Variants in PDZRN3 observed in about 807,000 individuals in gnomAD.
The protein encoded by PDZRN3 is E3 ubiquitin-protein ligase PDZRN3.
Under a neutral mutation model 85.7 loss-of-function variants are expected in PDZRN3, and 38 were observed. That is an observed-to-expected ratio of 0.44 (90% CI 0.34 to 0.58). The LOEUF is 0.58. PDZRN3 is among the 20% of genes least tolerant of loss of function. The pLI, the probability that PDZRN3 is intolerant of heterozygous loss-of-function variation, is 0.01. For synonymous variants in PDZRN3, 759 were observed against 638.0 expected (o/e 1.19, Z -2.86); for missense variants, 1,629 against 1,506.4 (o/e 1.08, Z -1.35).
intron 3 of PDZRN3, among the ~76,000 whole-genome samples, chr3:73,582,246 G>A (rs1219587479): frequency 6.6e-6 from 1 of 152,210 alleles, no homozygotes; most frequent in African/African-American, 2.4e-5. Flanking sequence ...GAAGGCACAT[G>A]TAGATTTGTC....
intron 3 of PDZRN3, among the ~76,000 whole-genome samples, chr3:73,421,214 A>C (rs1328878236): frequency 1.3e-5 from 2 of 152,216 alleles, no homozygotes; most frequent in Admixed American, 1.3e-4. Flanking sequence ...ATACACTCAC[A>C]CACACATTAA....
chr3:73,472,419 T>A (rs1337484889), intron 3 of PDZRN3, among the ~76,000 whole-genome samples: 1 of 152,248 alleles, frequency 6.6e-6, no homozygotes, highest in Non-Finnish European at 1.5e-5. Flanking sequence ...TTTAATTGAC[T>A]AACCACGGTG....
At chr3:73,529,592 C>A (rs1181501947) in intron 3 of PDZRN3, among the ~76,000 whole-genome samples, 1 of 152,190 alleles carries the variant, frequency 6.6e-6, no homozygotes, top group Non-Finnish European at 1.5e-5. Context: ...ATCCGCAAAG[C>A]ACTTTGTTAA....
intron 1 of PDZRN3, among the ~76,000 whole-genome samples, chr3:73,611,409 T>C (rs1457889859): frequency 6.6e-6 from 1 of 152,236 alleles, no homozygotes; most frequent in Non-Finnish European, 1.5e-5. Flanking sequence ...TTGCAAAGAA[T>C]GTTTCTGAAC....
In PDZRN3 at chr3:73,569,238, G is replaced by C. The variant is rs78584400; in HGVS notation, c.918+33116C>G. ...AGGTCCTTCATAAATACTTCAGTCT[G>C]CAAAGATGAACAAGAGGAGCCCGAA... On this transcript the variant is annotated intron_variant, in intron 3 of 9. Transcript: ENST00000263666. 4,335 of 1,285,194 alleles carry C rather than the reference G, an allele frequency of 3.4e-3. 62 individuals carry two copies. In the African/African-American group the frequency reaches 0.046, roughly 14 times the overall value. 79.6% of individuals were successfully genotyped at this position (1,285,194 alleles called of 1,614,324 possible). A position where few individuals can be genotyped will look rare whatever the true frequency, so the allele number is the denominator to read the frequency against.
At chr3:73,430,497 C>T (rs1420426602) in intron 3 of PDZRN3, among the ~76,000 whole-genome samples, 2 of 152,192 alleles carry the variant, frequency 1.3e-5, no homozygotes, top group African/African-American at 2.4e-5. Flanking sequence ...GTAAATGATA[C>T]TGGCTGGGGT....
intron 1 of PDZRN3, among the ~76,000 whole-genome samples, chr3:73,613,524 G>A (rs760611140): frequency 6.6e-6 from 1 of 152,100 alleles, no homozygotes; most frequent in Non-Finnish European, 1.5e-5. Context: ...ACTACAGACT[G>A]CTCCAAGTTC....
At chr3:73,476,769 A>G (rs1703467463) in intron 3 of PDZRN3, among the ~76,000 whole-genome samples, 1 of 152,186 alleles carries the variant, frequency 6.6e-6, no homozygotes, top group Non-Finnish European at 1.5e-5. Flanking sequence ...CCTCTTACCA[A>G]TAGCCAGTGA....
At chr3:73,519,390 T>C (rs1429913805) in intron 3 of PDZRN3, among the ~76,000 whole-genome samples, 1 of 152,156 alleles carries the variant, frequency 6.6e-6, no homozygotes, top group African/African-American at 2.4e-5. Context: ...AAACTCAGAA[T>C]AGAGTCTAAA....
chr3:73,428,986 A>G (rs924753425), intron 3 of PDZRN3, among the ~76,000 whole-genome samples: 22 of 152,008 alleles, frequency 1.4e-4, no homozygotes, highest in African/African-American at 4.8e-4. Flanking sequence ...ACAGCCTCCA[A>G]CTCCTAAGCT....
intron 3 of PDZRN3, among the ~76,000 whole-genome samples, chr3:73,533,233 C>A (rs898932021): frequency 8.5e-5 from 13 of 152,098 alleles, no homozygotes; most frequent in African/African-American, 2.9e-4. Flanking sequence ...TTGTTTATGG[C>A]GAAAGTTAAG....
intron 3 of PDZRN3, among the ~76,000 whole-genome samples, chr3:73,470,101 G>A (rs1024217399): frequency 6.6e-6 from 1 of 152,132 alleles, no homozygotes; most frequent in South Asian, 2.1e-4. Context: ...CACTGCATTG[G>A]GGTATGATAT....
chr3:73,457,831 C>T (rs774213986), intron 3 of PDZRN3, among the ~76,000 whole-genome samples: 7 of 152,178 alleles, frequency 4.6e-5, no homozygotes, highest in African/African-American at 7.2e-5. Flanking sequence ...GAAGGCATCA[C>T]CTATAAACCA....
intron 5 of PDZRN3, among the ~76,000 whole-genome samples, chr3:73,395,089 C>T (rs1340427054): frequency 6.6e-6 from 1 of 152,234 alleles, no homozygotes; most frequent in Non-Finnish European, 1.5e-5. Context: ...TTGGCTCCAT[C>T]TGTAATGAGG....
chr3:73,596,038 G>C (rs1326013927), intron 3 of PDZRN3, among the ~76,000 whole-genome samples: 1 of 152,132 alleles, frequency 6.6e-6, no homozygotes, highest in African/African-American at 2.4e-5. Flanking sequence ...GCACATGTCA[G>C]AAGTGGAGCA....
At chr3:73,436,243 T>C in intron 3 of PDZRN3, among the ~76,000 whole-genome samples, 1 of 152,248 alleles carries the variant, frequency 6.6e-6, no homozygotes, top group Non-Finnish European at 1.5e-5. Flanking sequence ...GCTGACTGTT[T>C]CCTTGTGCAA....
At chr3:73,582,450 A>G (rs1462845713) in intron 3 of PDZRN3, among the ~76,000 whole-genome samples, 1 of 152,156 alleles carries the variant, frequency 6.6e-6, no homozygotes, top group Non-Finnish European at 1.5e-5. Flanking sequence ...CAAATTCTCA[A>G]TACTTCCTAT....
intron 3 of PDZRN3, among the ~76,000 whole-genome samples, chr3:73,428,037 C>T (rs1296170665): frequency 6.6e-6 from 1 of 152,102 alleles, no homozygotes; most frequent in African/African-American, 2.4e-5. Flanking sequence ...CAGCCAGCTG[C>T]AAAGTCTTGA....
chr3:73,573,107 C>T (rs1351769025), intron 3 of PDZRN3, among the ~76,000 whole-genome samples: 1 of 152,182 alleles, frequency 6.6e-6, no homozygotes, highest in African/African-American at 2.4e-5. Context: ...GCTGATCTGT[C>T]TTACCTGTCC....
Sources: gnomAD v4.1 joint callset for allele counts (sites outside exome capture counted in the v4.1 genomes callset) on GRCh38, gnomAD v4.1.1 for gene constraint, MANE v1.5 for transcripts, NCBI Gene and HGNC (gene_info 2026-07-23, HGNC 2026-07-21) for gene names.